ADGRE2: variants seen among roughly 807,000 people sequenced by gnomAD.
ADGRE2 encodes CD97 antigen.
ADGRE2 carries 83 observed loss-of-function variants against 100.8 expected under a neutral mutation model. The ratio of observed to expected loss-of-function variants is 0.82; its 90% confidence interval spans 0.69 to 0.99. The LOEUF (loss-of-function observed/expected upper bound fraction) is 0.99, where lower values mean the gene tolerates loss of function less well. Among genes scored for constraint, ADGRE2 ranks in the 50% least tolerant of loss-of-function variants. The pLI is 0.00. For synonymous variants in ADGRE2, 355 were observed against 413.0 expected (o/e 0.86, Z 1.70); for missense variants, 814 against 1,035.7 (o/e 0.79, Z 2.94).
intron 14 of ADGRE2, among the ~76,000 whole-genome samples, chr19:14,754,178 A>G (rs922465116): frequency 5.9e-5 from 9 of 152,000 alleles, no homozygotes; most frequent in Admixed American, 2.0e-4. Context: ...CAAGTTCTTC[A>G]GTTCTGGGAC....
intron 5 of ADGRE2, 111 bp from the exon 6 acceptor site, chr19:14,767,220 C>T: frequency 6.6e-7 from 1 of 1,521,352 alleles, no homozygotes; most frequent in Non-Finnish European, 8.8e-7. Context: ...CCACTGTCTG[C>T]TCCCTTTTCT....
At chr19:14,746,045 G>A (rs982459421) in intron 18 of ADGRE2, among the ~76,000 whole-genome samples, 187 bp downstream of exon 18, 3 of 152,144 alleles carry the variant, frequency 2.0e-5, no homozygotes, top group Non-Finnish European at 2.9e-5. Flanking sequence ...GACAAAACAT[G>A]TTGCATGGGG....
Position 14,752,321 on chromosome 19 carries a change from G to C in ADGRE2, c.1788+8C>G. 6.2e-7 allele frequency: 1 copy of C among 1,614,046 alleles called. No homozygotes were observed. The highest frequency in any genetic ancestry group is 8.5e-7 in the Non-Finnish European group (1 of 1,179,952). On this transcript the variant is annotated splice_region_variant and intron_variant, in intron 15 of 20. Coordinates refer to ENST00000315576, the MANE Select transcript of ADGRE2 (RefSeq NM_013447.4). Reference sequence around the variant, plus strand: ...GAAGGGAGCCCTCTGGAACACCGCTGTCAATACCTTGTGTCCGGTTTGATC... The same window carrying C: ...GAAGGGAGCCCTCTGGAACACCGCTCTCAATACCTTGTGTCCGGTTTGATC...
At position 14,747,051 on chromosome 19, in the gene ADGRE2, C is replaced by T. The variant is rs554777822; in HGVS notation, c.2025-89G>A. On this transcript the variant is annotated intron_variant, in intron 16 of 20. Coordinates refer to ENST00000315576, the MANE Select transcript of ADGRE2 (RefSeq NM_013447.4). ...CTATTCCATCCCTCCTCACCACTTC[C>T]TCACTTCCTTCCTACGTCAACAATA... The T allele has an allele frequency of 7.4e-6, 8 of 1,074,816 alleles. No homozygotes were observed. The African/African-American group carries it at 1.1e-4, about 15-fold the overall frequency. The allele number at this position is 1,074,816 out of a possible 1,614,324, so 66.6% of individuals were successfully genotyped here.
chr19:14,768,285 C>T (rs2044066896), intron 5 of ADGRE2, among the ~76,000 whole-genome samples: 1 of 152,174 alleles, frequency 6.6e-6, no homozygotes. Flanking sequence ...ACAGTGGGTC[C>T]CAGGCCAGGG....
intron 5 of ADGRE2, among the ~76,000 whole-genome samples, chr19:14,767,812 G>A (rs529523984): frequency 1.4e-4 from 21 of 152,292 alleles, no homozygotes; most frequent in African/African-American, 5.1e-4. Flanking sequence ...AAAGGACAGA[G>A]CCTTCCTGTG....
At chr19:14,759,503 A>ATATATATTTTTT (rs60789454) in intron 11 of ADGRE2, among the ~76,000 whole-genome samples, 25 of 133,368 alleles carry the variant, frequency 1.9e-4, no homozygotes, top group African/African-American at 5.6e-4. Flanking sequence ...ATATATATAT[A>ATATATATTTTTT]TTTTTTTTTT....
In ADGRE2 at chr19:14,736,138, A is replaced by G; in HGVS notation, c.*98T>C. ...TTGCTGACATGGTGAATTTCTTGAA[A>G]CACACAGAACAAAGTCTTTTCTTTC... On this transcript the variant is annotated 3_prime_UTR_variant, in exon 21 of 21. Coordinates refer to ENST00000315576, the MANE Select transcript of ADGRE2 (RefSeq NM_013447.4). 3 of 1,154,192 alleles carry G rather than the reference A, an allele frequency of 2.6e-6. No individual in the cohort carries two copies. The highest frequency in any genetic ancestry group is 1.4e-5 in the South Asian group (1 of 73,714). 71.5% of individuals were successfully genotyped at this position (1,154,192 alleles called of 1,614,324 possible). A position where few individuals can be genotyped will look rare whatever the true frequency, so the allele number is the denominator to read the frequency against.
intron 5 of ADGRE2, among the ~76,000 whole-genome samples, chr19:14,767,521 G>A (rs1717645547): frequency 6.6e-6 from 1 of 152,112 alleles, no homozygotes; most frequent in Admixed American, 6.6e-5. Flanking sequence ...TTGCAGGCAT[G>A]AGCCACCATG....
At chr19:14,761,805 T>C (rs923294327) in intron 11 of ADGRE2, among the ~76,000 whole-genome samples, 3 of 152,154 alleles carry the variant, frequency 2.0e-5, no homozygotes, top group African/African-American at 7.2e-5. Context: ...CTGCACCTTA[T>C]GTAAACGTCA....
rs2042693434 is a variant in ADGRE2, at chr19:14,733,239, C to T, written c.*2997G>A. 6.6e-6 allele frequency: 1 copy of T among 152,090 alleles called. No homozygotes were observed. The highest frequency in any genetic ancestry group is 1.5e-5 in the Non-Finnish European group (1 of 68,026). The allele number at this position is 152,090 out of a possible 1,614,324, so 9.4% of individuals were successfully genotyped here. A position where few individuals can be genotyped will look rare whatever the true frequency, so the allele number is the denominator to read the frequency against. On this transcript the variant is annotated 3_prime_UTR_variant, in exon 21 of 21. Coordinates refer to ENST00000315576, the MANE Select transcript of ADGRE2 (RefSeq NM_013447.4). ...GGTACTGACTGGCAGAGCAGGAGCC[C>T]CGTTATTTTGGACAAACACCGCCAC... is the stretch of plus-strand genomic sequence containing the variant.
intron 1 of ADGRE2, among the ~76,000 whole-genome samples, chr19:14,777,349 G>A (rs1263282100): frequency 6.6e-6 from 1 of 152,360 alleles, no homozygotes; most frequent in Admixed American, 6.5e-5. Context: ...GGAAACTGAG[G>A]CCAGGTACAG....
rs140653386 is a variant in ADGRE2, at chr19:14,762,965, C to A, written c.1084+1468G>T. ...ACAGGCACGCCCCACGTGAAACAGA[C>A]ACTTTAAAGTGGTGAACTTGATGTT... On this transcript the variant is annotated intron_variant, in intron 11 of 20. Transcript: ENST00000315576. 6.2e-3 allele frequency among the ~76,000 whole-genome samples: 940 copies of A among 152,282 alleles called. 8 individuals carry two copies. The highest frequency in any genetic ancestry group is 0.021 in the African/African-American group (868 of 41,560).
At chr19:14,748,589 G>C (rs10415382) in intron 16 of ADGRE2, among the ~76,000 whole-genome samples, 58,228 of 152,002 alleles carry the variant, frequency 0.38, 12,715 homozygotes, top group African/African-American at 0.59. Flanking sequence ...TTCCAGGTGT[G>C]AGCCACCGCA....
chr19:14,756,294 T>G lies in ADGRE2; in HGVS notation c.1136A>C (p.Gln379Pro). The G allele has an allele frequency of 6.2e-7, 1 of 1,614,210 alleles. No homozygotes were observed. The highest frequency in any genetic ancestry group is 8.5e-7 in the Non-Finnish European group (1 of 1,180,044). ...GTCGAGCTGCATCACTGCCTGATTC[T>G]GTCTCAAGGTGACACTCCTGTCTAC... ...KQVDRSVTLR[Q>P]NQAVMQLDWN... Residue 379 changes from glutamine (Q) to proline (P), a missense_variant, in exon 12 of 21, where the codon CAG (glutamine) becomes CCG (proline). Around this residue, in one of 5 missense-constraint regions of ADGRE2, gnomAD observed 569 missense variants for 692.7 expected, o/e 0.82. Coordinates refer to ENST00000315576, the MANE Select transcript of ADGRE2 (RefSeq NM_013447.4).
intron 11 of ADGRE2, among the ~76,000 whole-genome samples, chr19:14,759,488 C>CATATATATATATATATATATATAT (rs147074153): frequency 3.0e-5 from 4 of 133,582 alleles, no homozygotes; most frequent in African/African-American, 1.2e-4. Flanking sequence ...ATAAGTTATA[C>CATATATATATATATATATATATAT]ATATATATAT....
chr19:14,745,911 T>C (rs774407650), intron 18 of ADGRE2, among the ~76,000 whole-genome samples: 2 of 152,252 alleles, frequency 1.3e-5, no homozygotes, highest in African/African-American at 2.4e-5. Context: ...TCCATGTTGC[T>C]GCAAATGACA....
Position 14,751,681 on chromosome 19 carries a change from A to G in ADGRE2, c.1789-10T>C. 1 of 1,607,320 alleles carries G rather than the reference A, an allele frequency of 6.2e-7. No individual in the cohort carries two copies. The highest frequency in any genetic ancestry group is 8.5e-7 in the Non-Finnish European group (1 of 1,174,182). On this transcript the variant is annotated splice_polypyrimidine_tract_variant and intron_variant, in intron 15 of 20. Transcript: ENST00000315576. ...TGATGGAGCACAGCACCTGGCGGAG[A>G]AGTAAAAGACGCCCAGAGCGGCGAT...
At position 14,767,122 on chromosome 19, in the gene ADGRE2, G is replaced by C. The variant is rs1392071789; in HGVS notation, c.356-13C>G. On this transcript the variant is annotated splice_polypyrimidine_tract_variant and intron_variant, in intron 5 of 20. Transcript: ENST00000315576. ...CATTCGTCCACATCTGCAAGAGGAA[G>C]GAGAGGGTGAAGAATGCCCGTAGCT... 1 of 1,606,854 alleles carries C rather than the reference G, an allele frequency of 6.2e-7. No individual in the cohort carries two copies. Among genetic ancestry groups the C allele is most frequent in the South Asian group, 1.1e-5 (1 of 90,656 alleles).
Sources: allele counts gnomAD v4.1 joint callset (sites outside exome capture counted in the v4.1 genomes callset), GRCh38; gene constraint gnomAD v4.1.1; regional missense constraint gnomAD v4.1.1; transcripts MANE v1.5; gene names NCBI Gene and HGNC (gene_info 2026-07-23, HGNC 2026-07-21).